Variants in PCMTD1 observed in about 807,000 individuals in gnomAD.
PCMTD1 encodes protein-L-isoaspartate O-methyltransferase domain-containing protein 1.
Under a neutral mutation model 37.6 loss-of-function variants are expected in PCMTD1, and 12 were observed. The ratio of observed to expected loss-of-function variants is 0.32; its 90% CI spans 0.20 to 0.52. The LOEUF (loss-of-function observed/expected upper bound fraction) is 0.52, where lower values mean the gene tolerates loss of function less well. Among genes scored for constraint, PCMTD1 ranks in the 20% least tolerant of loss-of-function variants. The pLI, the probability that PCMTD1 is intolerant of heterozygous loss-of-function variation, is 0.97. For missense variants in PCMTD1, 235 were observed against 421.3 expected (o/e 0.56, Z 3.87); for synonymous variants, 117 against 135.8 (o/e 0.86, Z 0.96).
rs1231780052 is a variant in PCMTD1, at chr8:51,861,260, AC to A, written c.-95-15del. ...AATAAATTAATCCTGGAAGGGAAGA[AC>A]AAAAATAAACAGGTTTAAATTAATG... On this transcript the variant is annotated splice_polypyrimidine_tract_variant and intron_variant, in intron 1 of 5. Coordinates refer to ENST00000522514, the MANE Select transcript of PCMTD1 (RefSeq NM_052937.4). 1.1e-5 allele frequency: 15 copies of A among 1,427,454 alleles called. No individual in the cohort carries two copies. The East Asian group carries it at 3.5e-4, about 33-fold the overall frequency. 88.4% of individuals were successfully genotyped at this position (1,427,454 alleles called of 1,614,324 possible).
intron 2 of PCMTD1, among the ~76,000 whole-genome samples, chr8:51,855,227 G>GAA (rs61373320): frequency 7.8e-6 from 1 of 128,970 alleles, no homozygotes; most frequent in African/African-American, 3.0e-5. Flanking sequence ...TTCCTAAAAA[G>GAA]AAAAAAAAAA....
At chr8:51,868,099 A>C (rs2038585870) in intron 1 of PCMTD1, among the ~76,000 whole-genome samples, 1 of 152,162 alleles carries the variant, frequency 6.6e-6, no homozygotes, top group African/African-American at 2.4e-5. Context: ...ATAAATATAC[A>C]ATTATTCTTT....
chr8:51,848,077 C>CATG (rs1554521973), intron 2 of PCMTD1, among the ~76,000 whole-genome samples: 3 of 151,198 alleles, frequency 2.0e-5, no homozygotes, highest in African/African-American at 7.3e-5. Flanking sequence ...AGAGAGAGAC[C>CATG]GTGGTTTTGT....
At position 51,855,414 on chromosome 8, in the gene PCMTD1, T is replaced by C. The variant is rs557904226; in HGVS notation, c.307+5431A>G. On this transcript the variant is annotated intron_variant, in intron 2 of 5. Transcript: ENST00000522514. ...CAAGCGTGGTGACGTGCACCTTTAG[T>C]TCTAGCTACTCAGGAGGCTGAGGCA... Among the ~76,000 whole-genome samples the C allele has an allele frequency of 8.7e-5, 13 of 148,784 alleles. No homozygotes were observed. The South Asian group carries it at 2.6e-3, about 29-fold the overall frequency.
intron 3 of PCMTD1, chr8:51,839,470 G>A (rs2038114757): frequency 4.1e-6 from 4 of 985,126 alleles, no homozygotes; most frequent in Non-Finnish European, 4.8e-6. Flanking sequence ...TTCTTTATAG[G>A]TGCATGTTGG....
intron 1 of PCMTD1, among the ~76,000 whole-genome samples, chr8:51,894,822 GAGA>G (rs2038978361): frequency 6.6e-6 from 1 of 151,912 alleles, no homozygotes; most frequent in Non-Finnish European, 1.5e-5. Context: ...AAAGGAGAGA[GAGA>G]AGAACCAAGG....
chr8:51,825,688 G>A lies in PCMTD1; in HGVS notation c.707-4970C>T, dbSNP rs1406594515. Reference sequence around the variant, plus strand: ...CGCAGTCCGGCCTGGGCGACAGAGCGAGACTCCGTCTCAAAAAAAAAAAAA... The same window carrying A: ...CGCAGTCCGGCCTGGGCGACAGAGCAAGACTCCGTCTCAAAAAAAAAAAAA... On this transcript the variant is annotated intron_variant, in intron 5 of 5. Coordinates refer to ENST00000522514, the MANE Select transcript of PCMTD1 (RefSeq NM_052937.4). Among the ~76,000 whole-genome samples, 17 of 20,460 alleles carry A rather than the reference G, an allele frequency of 8.3e-4. 4 individuals are homozygous for A. The Non-Finnish European group carries it at 0.011, about 13-fold the overall frequency. The allele number at this position is 20,460 out of a possible 152,430, so 13.4% of individuals were successfully genotyped here. A position where few individuals can be genotyped will look rare whatever the true frequency, so the allele number is the denominator to read the frequency against.
At chr8:51,866,007 T>C (rs1435598525) in intron 1 of PCMTD1, among the ~76,000 whole-genome samples, 3 of 151,890 alleles carry the variant, frequency 2.0e-5, no homozygotes, top group Non-Finnish European at 4.4e-5. Context: ...GTAGCATTTC[T>C]TTACACTAAC....
chr8:51,818,633 T>A lies in PCMTD1; in HGVS notation c.*1718A>T, dbSNP rs1161424403. 3 of 152,336 alleles carry A rather than the reference T, an allele frequency of 2.0e-5. No homozygotes were observed. In the East Asian group the frequency reaches 5.8e-4, roughly 29 times the overall value. The allele number at this position is 152,336 out of a possible 1,614,324, so 9.4% of individuals were successfully genotyped here. A position where few individuals can be genotyped will look rare whatever the true frequency, so the allele number is the denominator to read the frequency against. On this transcript the variant is annotated 3_prime_UTR_variant, in exon 6 of 6. Coordinates refer to ENST00000522514, the MANE Select transcript of PCMTD1 (RefSeq NM_052937.4). ...TATGGGGCATTTCTTAACAGTTTAG[T>A]AATCGTCTAAGAATAATTGTAGAAA...
In PCMTD1 at chr8:51,819,507, G is replaced by T. The variant is rs1335123167; in HGVS notation, c.*844C>A. On this transcript the variant is annotated 3_prime_UTR_variant, in exon 6 of 6. Transcript: ENST00000522514. Reference sequence around the variant, plus strand: ...CTATCAAGAGTCACACATAACAATGGTTTTGCTTTTTTTAAAAAACCAAAT... The same window carrying T: ...CTATCAAGAGTCACACATAACAATGTTTTTGCTTTTTTTAAAAAACCAAAT... The T allele has an allele frequency of 6.6e-6, 1 of 152,316 alleles. No individual in the cohort carries two copies. The highest frequency in any genetic ancestry group is 1.5e-5 in the Non-Finnish European group (1 of 68,028). The allele number at this position is 152,316 out of a possible 1,614,324, so 9.4% of individuals were successfully genotyped here.
chr8:51,856,824 G>A (rs1202812787), intron 2 of PCMTD1, among the ~76,000 whole-genome samples: 1 of 152,230 alleles, frequency 6.6e-6, no homozygotes, highest in African/African-American at 2.4e-5. Context: ...CAGACAGAAA[G>A]TAGGTAACTG....
At chr8:51,840,870 A>C (rs1481585280) in intron 3 of PCMTD1, among the ~76,000 whole-genome samples, 2 of 152,212 alleles carry the variant, frequency 1.3e-5, no homozygotes, top group Non-Finnish European at 2.9e-5. Context: ...AGTCTCATTA[A>C]TGAACAAGGT....
At chr8:51,839,495 G>C (rs1341869116) in intron 3 of PCMTD1, 1 of 985,262 alleles carries the variant, frequency 1.0e-6, no homozygotes, top group African/African-American at 1.7e-5. Context: ...TCTTCATCTT[G>C]AGATGGACAG....
At chr8:51,873,786 G>A (rs1164458468) in intron 1 of PCMTD1, among the ~76,000 whole-genome samples, 1 of 152,056 alleles carries the variant, frequency 6.6e-6, no homozygotes, top group Non-Finnish European at 1.5e-5. Context: ...AAGCTTCTTG[G>A]GGCCTCGCCA....
At chr8:51,890,073 T>C (rs2038916879) in intron 1 of PCMTD1, among the ~76,000 whole-genome samples, 1 of 151,116 alleles carries the variant, frequency 6.6e-6, no homozygotes, top group South Asian at 2.1e-4. Context: ...TTTAAGTCCA[T>C]GGTGATTACC....
intron 1 of PCMTD1, among the ~76,000 whole-genome samples, chr8:51,895,725 T>C (rs1450095937): frequency 6.6e-6 from 1 of 152,204 alleles, no homozygotes; most frequent in Non-Finnish European, 1.5e-5. Context: ...AATATTTCTG[T>C]GTCACCTAAT....
intron 2 of PCMTD1, among the ~76,000 whole-genome samples, chr8:51,852,214 C>G (rs1328507015): frequency 6.6e-6 from 1 of 152,140 alleles, no homozygotes; most frequent in Non-Finnish European, 1.5e-5. Context: ...TCCTCAGCAG[C>G]TGGCACAGGG....
At chr8:51,842,033 AT>A (rs5891437) in intron 3 of PCMTD1, among the ~76,000 whole-genome samples, 77,121 of 152,062 alleles carry the variant, frequency 0.51, 23,658 homozygotes, top group Non-Finnish European at 0.68. Context: ...ACTAACTGGG[AT>A]TTGTGGGAAA....
chr8:51,857,359 TTA>T (rs1463153425), intron 2 of PCMTD1, among the ~76,000 whole-genome samples: 1 of 152,182 alleles, frequency 6.6e-6, no homozygotes, highest in African/African-American at 2.4e-5. Flanking sequence ...AATCTGTGTA[TTA>T]TATGTTTTAT....
Sources: gnomAD v4.1 joint callset for allele counts (sites outside exome capture counted in the v4.1 genomes callset) on GRCh38, gnomAD v4.1.1 for gene constraint, MANE v1.5 for transcripts, NCBI Gene and HGNC (gene_info 2026-07-23, HGNC 2026-07-21) for gene names.